ANKIB1: variants seen among roughly 807,000 people sequenced by gnomAD.
ANKIB1 encodes the protein ankyrin repeat and IBR domain containing 1.
ANKIB1 carries 43 observed loss-of-function variants against 122.1 expected under a neutral mutation model. The observed-to-expected ratio is 0.35, with a 90% CI of 0.28 to 0.45. ANKIB1 has a LOEUF of 0.45. ANKIB1 is among the 20% of genes least tolerant of loss of function. ANKIB1 has a pLI of 1.00. For missense variants in ANKIB1, 992 were observed against 1,329.5 expected, an observed-to-expected ratio of 0.75 and a Z score of 3.95; for synonymous variants, 390 against 442.0, an observed-to-expected ratio of 0.88 and a Z score of 1.48.
chr7:92,270,803 G>GT (rs1801772775), intron 1 of ANKIB1, among the ~76,000 whole-genome samples: 1 of 143,336 alleles, frequency 7.0e-6, no homozygotes, highest in South Asian at 2.2e-4. Context: ...TTGAGACTTG[G>GT]TTTCTTGCAT....
intron 3 of ANKIB1, among the ~76,000 whole-genome samples, chr7:92,316,018 GC>G (rs2131945223): frequency 6.6e-6 from 1 of 152,186 alleles, no homozygotes; most frequent in South Asian, 2.1e-4. Context: ...CTCTCTTAAA[GC>G]CCCCTACCCC....
At chr7:92,381,762 A>G (rs1804521105) in intron 11 of ANKIB1, among the ~76,000 whole-genome samples, 1 of 152,212 alleles carries the variant, frequency 6.6e-6, no homozygotes, top group African/African-American at 2.4e-5. Context: ...GGAAAGGAAC[A>G]ACTGGTACCA....
chr7:92,296,317 G>C (rs1802355222), intron 2 of ANKIB1, among the ~76,000 whole-genome samples: 1 of 151,788 alleles, frequency 6.6e-6, no homozygotes, highest in South Asian at 2.1e-4. Flanking sequence ...CATACTTCTA[G>C]ACTCAAGCTA....
intron 1 of ANKIB1, among the ~76,000 whole-genome samples, chr7:92,259,445 G>C (rs1010784875): frequency 6.6e-6 from 1 of 151,984 alleles, no homozygotes; most frequent in Non-Finnish European, 1.5e-5. Flanking sequence ...TATTCAATTT[G>C]ATATCTGTAT....
At chr7:92,391,914 G>A (rs572944480) in intron 16 of ANKIB1, among the ~76,000 whole-genome samples, 3 of 151,902 alleles carry the variant, frequency 2.0e-5, no homozygotes, top group Non-Finnish European at 4.4e-5. Flanking sequence ...CATTCCTTTG[G>A]CACTATTTTA....
At chr7:92,259,487 G>T (rs916937065) in intron 1 of ANKIB1, among the ~76,000 whole-genome samples, 1 of 152,076 alleles carries the variant, frequency 6.6e-6, no homozygotes, top group African/African-American at 2.4e-5. Flanking sequence ...AAGTCTAGAT[G>T]GGATGGGCAG....
intron 11 of ANKIB1, among the ~76,000 whole-genome samples, chr7:92,382,476 C>T (rs1050438234): frequency 1.3e-5 from 2 of 152,136 alleles, no homozygotes; most frequent in African/African-American, 4.8e-5. Context: ...CAAAATTGAC[C>T]ACGTAGTTGG....
At chr7:92,367,807 C>T (rs186712713) in intron 10 of ANKIB1, among the ~76,000 whole-genome samples, 1 of 151,964 alleles carries the variant, frequency 6.6e-6, no homozygotes, top group Non-Finnish European at 1.5e-5. Context: ...TTTTTCAGAC[C>T]AGTATTTTTC....
At chr7:92,368,453 A>C (rs1229391406) in intron 10 of ANKIB1, among the ~76,000 whole-genome samples, 1 of 152,008 alleles carries the variant, frequency 6.6e-6, no homozygotes, top group Non-Finnish European at 1.5e-5. Flanking sequence ...GCAGTGACTC[A>C]TGCCTGTAAT....
chr7:92,246,921 G>T (rs545221671), intron 1 of ANKIB1, among the ~76,000 whole-genome samples: 2 of 152,212 alleles, frequency 1.3e-5, no homozygotes, highest in South Asian at 2.1e-4. Flanking sequence ...AAAGTGCTCT[G>T]CAGGGCTGTG....
chr7:92,251,755 C>G (rs1317323942), intron 1 of ANKIB1, among the ~76,000 whole-genome samples: 1 of 152,208 alleles, frequency 6.6e-6, no homozygotes, highest in Admixed American at 6.5e-5. Flanking sequence ...AATAGGCACT[C>G]TCTTATACAG....
At chr7:92,298,844 C>T (rs1036278730) in intron 2 of ANKIB1, among the ~76,000 whole-genome samples, 39 of 149,190 alleles carry the variant, frequency 2.6e-4, no homozygotes, top group African/African-American at 8.9e-4. Context: ...TTTAATTAAT[C>T]TCCACCCTTA....
intron 1 of ANKIB1, among the ~76,000 whole-genome samples, chr7:92,291,605 C>G (rs190310832): frequency 6.7e-4 from 92 of 137,006 alleles, no homozygotes; most frequent in African/African-American, 2.3e-3. Flanking sequence ...GAGTCTTACA[C>G]TGTGGCCTGG....
At chr7:92,379,748 C>A (rs1804468905) in intron 11 of ANKIB1, among the ~76,000 whole-genome samples, 1 of 152,106 alleles carries the variant, frequency 6.6e-6, no homozygotes, top group African/African-American at 2.4e-5. Context: ...TTTAAAGTTT[C>A]TTTAAAAAAT....
chr7:92,288,889 A>T lies in ANKIB1; in HGVS notation c.-90-6000A>T, dbSNP rs147434636. Among the ~76,000 whole-genome samples, 442 of 152,324 alleles carry T rather than the reference A, an allele frequency of 2.9e-3. 4 individuals carry two copies. Among genetic ancestry groups the T allele is most frequent in the African/African-American group, 0.01 (420 of 41,568 alleles). ...TACTAACTAGAAACTGACAATTCCAATTGCTGACCATGGTAACTCTGAATG... is the reference window on the plus strand; with the variant it reads ...TACTAACTAGAAACTGACAATTCCATTTGCTGACCATGGTAACTCTGAATG... On this transcript the variant is annotated intron_variant, in intron 1 of 19. Coordinates refer to ENST00000265742, the MANE Select transcript of ANKIB1 (RefSeq NM_019004.2).
chr7:92,255,685 A>G (rs1801421243), intron 1 of ANKIB1, among the ~76,000 whole-genome samples: 1 of 152,234 alleles, frequency 6.6e-6, no homozygotes, highest in African/African-American at 2.4e-5. Context: ...TGAAAAAAAT[A>G]GTGCTGATTT....
intron 17 of ANKIB1, 57 bp downstream of exon 17, chr7:92,392,349 C>T (rs927383902): frequency 7.8e-6 from 11 of 1,416,582 alleles, no homozygotes; most frequent in Non-Finnish European, 9.9e-6. Flanking sequence ...GTCGTGCTTG[C>T]ATTTGCATCC....
chr7:92,302,443 C>T (rs1224612885), intron 2 of ANKIB1, among the ~76,000 whole-genome samples: 2 of 152,158 alleles, frequency 1.3e-5, no homozygotes, highest in African/African-American at 4.8e-5. Flanking sequence ...TTGCATCTCT[C>T]TCTCTCTGAA....
intron 1 of ANKIB1, among the ~76,000 whole-genome samples, chr7:92,292,412 A>G (rs549256979): frequency 1.3e-5 from 2 of 152,316 alleles, no homozygotes; most frequent in East Asian, 3.9e-4. Context: ...TGAGTACTCC[A>G]TGATAACATT....
Sources: gnomAD v4.1 joint callset for allele counts (sites outside exome capture counted in the v4.1 genomes callset) on GRCh38, gnomAD v4.1.1 for gene constraint, MANE v1.5 for transcripts, NCBI Gene and HGNC (gene_info 2026-07-23, HGNC 2026-07-21) for gene names.